SS18: variants seen among roughly 807,000 people sequenced by gnomAD.
SS18 encodes the protein SS18 subunit of BAF chromatin remodeling complex.
SS18 carries 28 observed loss-of-function variants against 72.5 expected under a neutral mutation model. The ratio of observed to expected loss-of-function variants is 0.39; its 90% CI spans 0.29 to 0.53. The LOEUF is 0.53. Among genes scored for constraint, SS18 ranks in the 20% least tolerant of loss-of-function variants. The probability of loss-of-function intolerance (pLI) is 0.76; values close to 1 mark genes in which losing one functional copy is unlikely to be tolerated. For missense variants in SS18, 518 were observed against 535.3 expected (o/e 0.97, Z 0.32); for synonymous variants, 172 against 164.2 (o/e 1.05, Z -0.37).
intron 5 of SS18, among the ~76,000 whole-genome samples, chr18:26,050,166 C>T (rs929286935): frequency 3.3e-5 from 5 of 151,216 alleles, no homozygotes; most frequent in South Asian, 2.1e-4. Context: ...ACCCAGGAGG[C>T]GGAAGCAGCA....
At chr18:26,034,974 G>A in intron 9 of SS18, 31 bp downstream of exon 9, 1 of 1,581,924 alleles carries the variant, frequency 6.3e-7, no homozygotes, top group Non-Finnish European at 8.6e-7. Flanking sequence ...ACATTTTTTT[G>A]GTGATAAAAA....
chr18:26,046,327 T>C (rs908696348), intron 5 of SS18, among the ~76,000 whole-genome samples: 7 of 152,050 alleles, frequency 4.6e-5, no homozygotes, highest in Non-Finnish European at 7.3e-5. Flanking sequence ...TAATGGTATA[T>C]ATGACGATTT....
rs774222939 is a variant in SS18 at position 26,090,494 on chromosome 18, G to C, written c.69+7C>G. The C allele has an allele frequency of 6.4e-7, 1 of 1,566,610 alleles. No individual in the cohort carries two copies. Among genetic ancestry groups the C allele is most frequent in the African/African-American group, 1.4e-5 (1 of 73,388 alleles). ...GGCCTGGCATCCGCAACCCCGCGCG[G>C]TTTCACCTTCTGAATCGCAGCGGGA... is the stretch of plus-strand genomic sequence containing the variant. On this transcript the variant is annotated splice_region_variant and intron_variant, in intron 1 of 10. Coordinates refer to ENST00000415083, the MANE Select transcript of SS18 (RefSeq NM_001007559.3).
chr18:26,082,612 T>C, intron 2 of SS18: 1 of 641,616 alleles, frequency 1.6e-6, no homozygotes, highest in Non-Finnish European at 1.9e-6. Context: ...AGTGAATCAG[T>C]AACACATTCT....
Position 26,036,285 on chromosome 18 carries a change from T to C in SS18, c.881-362A>G, listed in dbSNP as rs145740198. Among the ~76,000 whole-genome samples the C allele has an allele frequency of 5.8e-3, 883 of 152,322 alleles. 3 individuals are homozygous for C. Among genetic ancestry groups the C allele is most frequent in the Middle Eastern group, 0.017 (5 of 294 alleles). ...GAATGAACAAAGGAAGCAATTATCA[T>C]ATTTTGTCAAACACCTGTTCTGCTG... On this transcript the variant is annotated intron_variant, in intron 7 of 10. Transcript: ENST00000415083.
At chr18:26,032,202 T>TA (rs774243331) in intron 10 of SS18, among the ~76,000 whole-genome samples, 197 bp downstream of exon 10, 10 of 152,138 alleles carry the variant, frequency 6.6e-5, no homozygotes, top group Non-Finnish European at 1.0e-4. Flanking sequence ...TTTTATATGA[T>TA]AGAGTAACTA....
intron 5 of SS18, among the ~76,000 whole-genome samples, chr18:26,050,473 C>A (rs946227665): frequency 6.6e-6 from 1 of 151,932 alleles, no homozygotes; most frequent in African/African-American, 2.4e-5. Flanking sequence ...ACTCTTCAAT[C>A]ATCCTCTAGC....
chr18:26,048,634 G>A (rs1264695242), intron 5 of SS18, among the ~76,000 whole-genome samples: 3 of 152,096 alleles, frequency 2.0e-5, no homozygotes, highest in Non-Finnish European at 2.9e-5. Flanking sequence ...CTTATATAAC[G>A]AATGTGAACA....
intron 5 of SS18, among the ~76,000 whole-genome samples, chr18:26,045,056 A>C (rs566940970): frequency 6.6e-6 from 1 of 152,304 alleles, no homozygotes; most frequent in South Asian, 2.1e-4. Context: ...AATATCCCAC[A>C]ATTGACTACT....
At chr18:26,088,336 T>A (rs1439142707) in intron 1 of SS18, among the ~76,000 whole-genome samples, 1 of 152,214 alleles carries the variant, frequency 6.6e-6, no homozygotes, top group African/African-American at 2.4e-5. Flanking sequence ...AATAAATACA[T>A]GAAAACTTCA....
chr18:26,090,693 C>T (rs961816033), upstream of SS18: 1 of 1,030,494 alleles, frequency 9.7e-7, no homozygotes, highest in Non-Finnish European at 1.4e-6. Context: ...TGCTCCGGGG[C>T]CAAGCGGACG....
chr18:26,031,767 G>A (rs765784614), intron 10 of SS18, among the ~76,000 whole-genome samples: 1 of 152,182 alleles, frequency 6.6e-6, no homozygotes, highest in Non-Finnish European at 1.5e-5. Context: ...ATAGTTACGT[G>A]TGTGGAAGGA....
At chr18:26,065,995 T>C (rs987111240) in intron 3 of SS18, among the ~76,000 whole-genome samples, 3 of 151,884 alleles carry the variant, frequency 2.0e-5, no homozygotes, top group African/African-American at 4.8e-5. Context: ...ATACTTAAAA[T>C]GAATGAATTC....
rs543033582 is a variant in SS18, at chr18:26,084,797, A to T, written c.146+2704T>A. ...TATTTTTAAAAGACCCCCAGATTAA[A>T]GTATACTTAGGAGACAAGACAAATA... On this transcript the variant is annotated intron_variant, in intron 2 of 10. Coordinates refer to ENST00000415083, the MANE Select transcript of SS18 (RefSeq NM_001007559.3). Among the ~76,000 whole-genome samples the T allele has an allele frequency of 3.3e-4, 50 of 152,350 alleles. No homozygotes were observed. In the East Asian group the frequency reaches 9.4e-3, roughly 29 times the overall value.
intron 6 of SS18, among the ~76,000 whole-genome samples, chr18:26,038,980 C>G (rs530424726): frequency 1.3e-5 from 2 of 151,898 alleles, no homozygotes; most frequent in African/African-American, 4.8e-5. Flanking sequence ...TACTACAGTG[C>G]TGTGAAGTAA....
intron 2 of SS18, among the ~76,000 whole-genome samples, chr18:26,084,994 G>T (rs918488876): frequency 3.5e-4 from 54 of 152,144 alleles, no homozygotes; most frequent in African/African-American, 1.3e-3. Context: ...ACACACTGAG[G>T]TTATTAAAAG....
chr18:26,080,948 T>C (rs2144156242), intron 2 of SS18, among the ~76,000 whole-genome samples: 1 of 152,272 alleles, frequency 6.6e-6, no homozygotes, highest in East Asian at 1.9e-4. Context: ...ATATCATTAC[T>C]ATTTAATCCA....
intron 3 of SS18, among the ~76,000 whole-genome samples, chr18:26,075,722 T>C (rs568039527): frequency 1.4e-4 from 21 of 151,784 alleles, no homozygotes; most frequent in African/African-American, 4.6e-4. Context: ...GTAATGGAGG[T>C]CATAGCCAGA....
At chr18:26,079,736 C>T (rs1411419559) in intron 2 of SS18, among the ~76,000 whole-genome samples, 1 of 152,086 alleles carries the variant, frequency 6.6e-6, no homozygotes, top group Admixed American at 6.5e-5. Context: ...GCACATACCA[C>T]CACACGGTGC....
Sources: allele counts gnomAD v4.1 joint callset (sites outside exome capture counted in the v4.1 genomes callset), GRCh38; gene constraint gnomAD v4.1.1; transcripts MANE v1.5; gene names NCBI Gene and HGNC (gene_info 2026-07-23, HGNC 2026-07-21).